The following PIK3C3 variants were observed in gnomAD, a reference collection of about 807,000 sequenced individuals.
PIK3C3 encodes the protein PI3-kinase type 3.
A neutral mutation model predicts 126.1 loss-of-function variants in PIK3C3; 95 were observed. The ratio of observed to expected loss-of-function variants is 0.75; its 90% confidence interval spans 0.64 to 0.89. The LOEUF (loss-of-function observed/expected upper bound fraction) is 0.89. Ranked by LOEUF, PIK3C3 falls within the 40% of genes least tolerant of loss-of-function variation. The pLI, the probability that PIK3C3 is intolerant of heterozygous loss-of-function variation, is 0.00. For missense variants in PIK3C3, 829 were observed against 1,063.2 expected (o/e 0.78, Z 3.06); for synonymous variants, 374 against 360.0 (o/e 1.04, Z -0.44).
chr18:42,017,371 C>T (rs1026520380), intron 12 of PIK3C3, among the ~76,000 whole-genome samples: 2 of 152,072 alleles, frequency 1.3e-5, no homozygotes, highest in Admixed American at 6.6e-5. Context: ...CAATTATTCC[C>T]CAAATCTGCT....
At chr18:42,008,470 T>C (rs1194243860) in intron 10 of PIK3C3, among the ~76,000 whole-genome samples, 1 of 152,160 alleles carries the variant, frequency 6.6e-6, no homozygotes, top group African/African-American at 2.4e-5. Context: ...TCGGAACCCA[T>C]GTCTCTAACT....
At position 42,043,742 on chromosome 18, in the gene PIK3C3, A is replaced by G. The variant is rs1257900511; in HGVS notation, c.2113A>G (p.Arg705Gly). 6.2e-7 allele frequency: 1 copy of G among 1,609,426 alleles called. No individual in the cohort carries two copies. The highest frequency in any genetic ancestry group is 8.5e-7 in the Non-Finnish European group (1 of 1,176,144). Residue 705 changes from arginine (R) to glycine (G), a missense_variant, in exon 20 of 25, where the codon AGA becomes GGA. Physicochemically the swap from Arg to Gly is moderately radical, Grantham distance 125. This residue lies in a region of PIK3C3 where 196 missense variants were observed against 312.8 expected (regional missense o/e 0.63). Coordinates refer to ENST00000262039, the MANE Select transcript of PIK3C3 (RefSeq NM_002647.4). ...AATAATGTCTTTTCAGAACTTTTTT[A>G]GAAAATATGCACCAAGTGAGAATGG... ...DTEGSIQNFF[R>G]KYAPSENGPN... is the part of the protein sequence containing the mutation.
intron 22 of PIK3C3, among the ~76,000 whole-genome samples, chr18:42,063,022 C>CT (rs1463789793): frequency 6.6e-6 from 1 of 152,190 alleles, no homozygotes; most frequent in African/African-American, 2.4e-5. Context: ...AGTTTCTCTA[C>CT]TTTGATTCTT....
At chr18:42,027,601 C>G in intron 14 of PIK3C3, 53 bp downstream of exon 14, 4 of 957,672 alleles carry the variant, frequency 4.2e-6, no homozygotes, top group African/African-American at 1.6e-5. Context: ...CCAAATTCAG[C>G]CTGTTGCCTG....
intron 15 of PIK3C3, 30 bp from the exon 16 acceptor site, chr18:42,033,796 A>T: frequency 6.6e-7 from 1 of 1,515,176 alleles, no homozygotes; most frequent in Non-Finnish European, 8.9e-7. Context: ...TTCTATTTTA[A>T]CCTCATTAAT....
At chr18:42,064,975 G>C in intron 23 of PIK3C3, 145 bp downstream of exon 23, 2 of 541,082 alleles carry the variant, frequency 3.7e-6, no homozygotes, top group South Asian at 2.8e-5. Context: ...CTCTCATCTG[G>C]AGAGACAGTT....
At chr18:42,045,704 A>C (rs537543734) in intron 20 of PIK3C3, among the ~76,000 whole-genome samples, 1 of 152,264 alleles carries the variant, frequency 6.6e-6, no homozygotes, top group South Asian at 2.1e-4. Flanking sequence ...CCTGGATTTG[A>C]GGGGACGGAA....
chr18:42,037,633 A>C (rs1169384707), intron 16 of PIK3C3, 59 bp from the exon 17 acceptor site: 4 of 1,456,062 alleles, frequency 2.7e-6, no homozygotes, highest in East Asian at 4.6e-5. Flanking sequence ...TTGTATGTAT[A>C]GTACAATTTT....
Position 42,049,521 on chromosome 18 carries a change from G to A in PIK3C3, c.2189-10G>A. On this transcript the variant is annotated splice_polypyrimidine_tract_variant and intron_variant, in intron 20 of 24. Transcript: ENST00000262039. Reference sequence around the variant, plus strand: ...TTGTTTTCACATATTTTTTTTAACTGTTACTGCAGCTGGATATTGCGTGAT... The same window carrying A: ...TTGTTTTCACATATTTTTTTTAACTATTACTGCAGCTGGATATTGCGTGAT... 6.2e-7 allele frequency: 1 copy of A among 1,606,960 alleles called. No individual in the cohort carries two copies. The highest frequency in any genetic ancestry group is 8.5e-7 in the Non-Finnish European group (1 of 1,174,448).
chr18:41,970,521 T>G, intron 4 of PIK3C3, 65 bp downstream of exon 4: 1 of 1,357,972 alleles, frequency 7.4e-7, no homozygotes, highest in South Asian at 1.2e-5. Flanking sequence ...ATATATACCT[T>G]GACATTATGA....
At chr18:42,074,661 C>G (rs1985907312) in intron 24 of PIK3C3, among the ~76,000 whole-genome samples, 1 of 152,046 alleles carries the variant, frequency 6.6e-6, no homozygotes, top group African/African-American at 2.4e-5. Flanking sequence ...AAGTACAGAT[C>G]TTTTTATATG....
At chr18:42,002,256 T>G (rs545031120) in intron 9 of PIK3C3, among the ~76,000 whole-genome samples, 1 of 152,310 alleles carries the variant, frequency 6.6e-6, no homozygotes, top group African/African-American at 2.4e-5. Context: ...AGAGAGACAT[T>G]GTTAATGTAA....
intron 17 of PIK3C3, among the ~76,000 whole-genome samples, chr18:42,038,493 CA>C (rs1984160305): frequency 1.3e-5 from 2 of 151,990 alleles, no homozygotes; most frequent in African/African-American, 4.8e-5. Flanking sequence ...AGGCATGCAC[CA>C]CCACGCCCAG....
intron 24 of PIK3C3, 74 bp from the exon 25 acceptor site, chr18:42,081,049 A>G: frequency 1.1e-6 from 1 of 870,582 alleles, no homozygotes; most frequent in Non-Finnish European, 1.8e-6. Flanking sequence ...CTTTTTTAAA[A>G]CTATAGACTA....
chr18:42,058,827 A>C (rs973706624), intron 22 of PIK3C3, among the ~76,000 whole-genome samples: 10 of 152,230 alleles, frequency 6.6e-5, no homozygotes, highest in Admixed American at 3.3e-4. Flanking sequence ...CATTTGACTC[A>C]TGCTATTTTC....
intron 4 of PIK3C3, among the ~76,000 whole-genome samples, chr18:41,980,372 C>T (rs1981137898): frequency 6.6e-6 from 1 of 152,132 alleles, no homozygotes; most frequent in African/African-American, 2.4e-5. Context: ...TTCTAATCAA[C>T]TGCCCTTAGT....
At chr18:41,978,229 A>G (rs150230793) in intron 4 of PIK3C3, among the ~76,000 whole-genome samples, 1 of 152,358 alleles carries the variant, frequency 6.6e-6, no homozygotes, top group Non-Finnish European at 1.5e-5. Flanking sequence ...TGCTGGGATT[A>G]CAGGCATAAG....
chr18:41,979,197 C>A (rs766445315), intron 4 of PIK3C3, among the ~76,000 whole-genome samples: 1 of 151,624 alleles, frequency 6.6e-6, no homozygotes, highest in Non-Finnish European at 1.5e-5. Context: ...CTAACTGATA[C>A]AGATGTTTCA....
rs543627102 is a variant in PIK3C3, at chr18:42,019,625, T to C, written c.1417-1013T>C. On this transcript the variant is annotated intron_variant, in intron 12 of 24. Coordinates refer to ENST00000262039, the MANE Select transcript of PIK3C3 (RefSeq NM_002647.4). ...CTTTCCTCTCTCCTTGATATCTTAA[T>C]GTTCCTCAGGGTCCTCTTCTAGTCT... is the stretch of plus-strand genomic sequence containing the variant. Among the ~76,000 whole-genome samples, 11 of 152,274 alleles carry C rather than the reference T, an allele frequency of 7.2e-5. No individual in the cohort carries two copies. In the East Asian group the frequency reaches 2.1e-3, roughly 29 times the overall value.
Sources: gnomAD v4.1 joint callset for allele counts (sites outside exome capture counted in the v4.1 genomes callset) on GRCh38, gnomAD v4.1.1 for gene constraint, gnomAD v4.1.1 regional missense constraint, MANE v1.5 for transcripts, NCBI Gene and HGNC (gene_info 2026-07-23, HGNC 2026-07-21) for gene names.